POLR2F: variants seen among roughly 807,000 people sequenced by gnomAD.
POLR2F encodes RNA polymerase II, I and III subunit F, also known as DNA-directed RNA polymerases I, II, and III subunit RPABC2.
Under a neutral mutation model 22.7 loss-of-function variants are expected in POLR2F, and 12 were observed. The ratio of observed to expected loss-of-function variants is 0.53; its 90% CI spans 0.34 to 0.86. The LOEUF (loss-of-function observed/expected upper bound fraction) is 0.86, where lower values mean the gene tolerates loss of function less well. POLR2F is among the 40% of genes least tolerant of loss of function. POLR2F has a pLI of 0.02. For missense variants in POLR2F, 126 were observed against 171.5 expected, an observed-to-expected ratio of 0.73 and a Z score of 1.48; for synonymous variants, 57 against 66.0, an observed-to-expected ratio of 0.86 and a Z score of 0.66.
chr22:38,033,767 G>A (rs932912710), intron 5 of POLR2F, among the ~76,000 whole-genome samples: 1 of 152,198 alleles, frequency 6.6e-6, no homozygotes, highest in Non-Finnish European at 1.5e-5. Flanking sequence ...AAGGCGCCAC[G>A]GCCCCGCTGC....
At chr22:37,972,771 C>T (rs955920601), downstream of POLR2F, 7 of 156,430 alleles carry the variant, frequency 4.5e-5, no homozygotes, top group Non-Finnish European at 7.1e-5. Context: ...TGCCTCGTCA[C>T]CTCCTGGGAT....
intron 2 of POLR2F, chr22:37,958,373 GT>G (rs1328210676): frequency 6.7e-6 from 1 of 149,706 alleles, no homozygotes; most frequent in Non-Finnish European, 1.5e-5. Flanking sequence ...TTTTTTTGTA[GT>G]TTTAGTAGTG....
At chr22:37,989,408 C>G (rs1055360290) in intron 1 of POLR2F, among the ~76,000 whole-genome samples, 3 of 152,132 alleles carry the variant, frequency 2.0e-5, no homozygotes, top group Admixed American at 6.5e-5. Flanking sequence ...AAGTATTAAC[C>G]GAGCAGCCAC....
chr22:38,039,323 G>C (rs2085149085), intron 5 of POLR2F, among the ~76,000 whole-genome samples: 1 of 152,222 alleles, frequency 6.6e-6, no homozygotes, highest in Admixed American at 6.5e-5. Flanking sequence ...AGAATGAAGA[G>C]TCTGCCGTCC....
chr22:38,039,695 C>T (rs906266766), intron 5 of POLR2F, among the ~76,000 whole-genome samples: 1 of 152,228 alleles, frequency 6.6e-6, no homozygotes, highest in African/African-American at 2.4e-5. Flanking sequence ...GCACTGCTGG[C>T]GAAGAACCTT....
At chr22:37,992,209 A>G (rs897876606) in intron 1 of POLR2F, among the ~76,000 whole-genome samples, 2 of 152,132 alleles carry the variant, frequency 1.3e-5, no homozygotes, top group African/African-American at 2.4e-5. Context: ...AAGGTCTCTG[A>G]GTCTCAGCTT....
rs1298503168 is a variant in POLR2F at position 37,978,453 on chromosome 22, G to A, written c.293+11283G>A. 6.6e-6 allele frequency among the ~76,000 whole-genome samples: 1 copy of A among 152,232 alleles called. No homozygotes were observed. The highest frequency in any genetic ancestry group is 1.9e-4 in the East Asian group (1 of 5,202). ...GGAGTAGAGGTTTCAAGGGGCAGAT[G>A]CCAGTTCAAGGAAAGGAAAAACTTT... On this transcript the variant is annotated intron_variant, in intron 4 of 4. Coordinates refer to the POLR2F transcript ENST00000405557. The surrounding 1 kb of genome is among the most constrained non-coding windows in gnomAD (Gnocchi z 5.0).
At chr22:37,956,725 A>C in intron 1 of POLR2F, 48 bp from the exon 2 acceptor site, 2 of 1,499,008 alleles carry the variant, frequency 1.3e-6, no homozygotes, top group Non-Finnish European at 1.9e-6. Flanking sequence ...CCCCTCTTTG[A>C]TTCTTTTAAG....
chr22:37,995,877 G>C (rs1204063545), intron 1 of POLR2F, among the ~76,000 whole-genome samples: 1 of 151,952 alleles, frequency 6.6e-6, no homozygotes, highest in Non-Finnish European at 1.5e-5. Flanking sequence ...GTGTGTGCCT[G>C]TAGTCCCAGC....
intron 1 of POLR2F, among the ~76,000 whole-genome samples, chr22:38,000,801 C>T (rs937907215): frequency 1.3e-5 from 2 of 152,212 alleles, no homozygotes; most frequent in Non-Finnish European, 2.9e-5. Flanking sequence ...TTCACAGGGG[C>T]TGATGAGGAC....
chr22:37,993,978 G>C (rs1255761552), intron 1 of POLR2F, among the ~76,000 whole-genome samples: 1 of 152,182 alleles, frequency 6.6e-6, no homozygotes, highest in African/African-American at 2.4e-5. Flanking sequence ...GACAGAGCAA[G>C]ACTCCGTCTC....
chr22:38,022,212 A>G (rs1003891697), intron 1 of POLR2F, among the ~76,000 whole-genome samples: 3 of 151,800 alleles, frequency 2.0e-5, no homozygotes, highest in African/African-American at 7.3e-5. Flanking sequence ...ATTATTAAAT[A>G]TATTTGGGTC....
intron 4 of POLR2F, 139 bp from the exon 5 acceptor site, chr22:37,967,486 C>A: frequency 6.8e-7 from 1 of 1,460,624 alleles, no homozygotes; most frequent in Non-Finnish European, 9.0e-7. Flanking sequence ...TAATTGCTTT[C>A]TTACAAAGTA....
In POLR2F at chr22:38,002,927, G is replaced by T. The variant is rs188275251; in HGVS notation, c.120+16615G>T. Reference sequence around the variant, plus strand: ...TTTTTAGTAGAGACGGGGTTTCACCGTGTTAGCCAGAATGGTCTCGATCTC... The same window carrying T: ...TTTTTAGTAGAGACGGGGTTTCACCTTGTTAGCCAGAATGGTCTCGATCTC... On this transcript the variant is annotated intron_variant, in intron 1 of 2. Coordinates refer to the POLR2F transcript ENST00000333418. Among the ~76,000 whole-genome samples, 403 of 152,120 alleles carry T rather than the reference G, an allele frequency of 2.6e-3. 3 individuals are homozygous for T. Among genetic ancestry groups the T allele is most frequent in the African/African-American group, 9.3e-3 (388 of 41,522 alleles).
chr22:38,024,206 C>A lies in POLR2F; in HGVS notation c.121-1663C>A, dbSNP rs916921828. Among the ~76,000 whole-genome samples the A allele has an allele frequency of 2.0e-5, 3 of 152,094 alleles. No homozygotes were observed. In the East Asian group the frequency reaches 5.8e-4, roughly 29 times the overall value. ...AAAATGGAATCATATAATATTTGTT[C>A]TTTTATTTCTAGTTTATTTCACTTA... On this transcript the variant is annotated intron_variant, in intron 1 of 2. Coordinates refer to the POLR2F transcript ENST00000333418.
intron 1 of POLR2F, among the ~76,000 whole-genome samples, chr22:38,004,178 T>G (rs559714814): frequency 3.4e-4 from 52 of 151,684 alleles, no homozygotes; most frequent in Admixed American, 2.6e-3. Context: ...TGTAGAGATG[T>G]GGGGGGGGTC....
chr22:38,026,452 C>T (rs1292678621), exon 3 of POLR2F: 4 of 403,974 alleles, frequency 9.9e-6, no homozygotes, highest in Non-Finnish European at 2.1e-5. Context: ...AGGGGCTGGT[C>T]TTCATGATCC....
chr22:37,996,461 C>T, intron 1 of POLR2F, among the ~76,000 whole-genome samples: 1 of 152,246 alleles, frequency 6.6e-6, no homozygotes, highest in Non-Finnish European at 1.5e-5. Context: ...CTGGGCAAAT[C>T]CCTTCCTCTC....
At chr22:38,023,119 C>CCGT (rs1353537326) in intron 1 of POLR2F, among the ~76,000 whole-genome samples, 4 of 152,214 alleles carry the variant, frequency 2.6e-5, no homozygotes, top group African/African-American at 9.6e-5. Flanking sequence ...GGTGTCCCAG[C>CCGT]CGTCTCTGAA....
Sources: allele counts gnomAD v4.1 joint callset (sites outside exome capture counted in the v4.1 genomes callset), GRCh38; gene constraint gnomAD v4.1.1; non-coding constraint Gnocchi (gnomAD v3.1); transcripts MANE v1.5; gene names NCBI Gene and HGNC (gene_info 2026-07-23, HGNC 2026-07-21).